Variants in ADGRL3 observed in about 807,000 individuals in gnomAD.
ADGRL3 encodes calcium-independent alpha-latrotoxin receptor 3.
In ADGRL3, 62 loss-of-function variants were observed where a neutral mutation model predicts 153.5. The ratio of observed to expected loss-of-function variants is 0.40; its 90% CI spans 0.33 to 0.50. ADGRL3 has a LOEUF of 0.50. Among genes scored for constraint, ADGRL3 ranks in the 20% least tolerant of loss-of-function variants. The pLI is 0.47. For missense variants in ADGRL3, 1,641 were observed against 1,859.4 expected, an observed-to-expected ratio of 0.88 and a Z score of 2.16; for synonymous variants, 710 against 672.5, an observed-to-expected ratio of 1.06 and a Z score of -0.86.
chr4:61,473,343 T>C (rs1023770031), intron 2 of ADGRL3, among the ~76,000 whole-genome samples: 3 of 151,994 alleles, frequency 2.0e-5, no homozygotes, highest in Admixed American at 2.0e-4. Flanking sequence ...TTTTGTACCC[T>C]GGGTACTGTA....
chr4:61,757,592 T>G (rs2096851904), intron 8 of ADGRL3, among the ~76,000 whole-genome samples: 1 of 152,202 alleles, frequency 6.6e-6, no homozygotes, highest in Admixed American at 6.5e-5. Flanking sequence ...ATTGATTTTT[T>G]GAAGGGTTTT....
chr4:61,796,453 C>T (rs759339862), intron 8 of ADGRL3, among the ~76,000 whole-genome samples: 6 of 152,020 alleles, frequency 3.9e-5, no homozygotes, highest in Non-Finnish European at 8.8e-5. Flanking sequence ...GATAAAGGAA[C>T]CAAATCAGAA....
At chr4:61,736,711 G>GTGAT (rs1253206792) in intron 8 of ADGRL3, among the ~76,000 whole-genome samples, 1 of 152,164 alleles carries the variant, frequency 6.6e-6, no homozygotes, top group Non-Finnish European at 1.5e-5. Flanking sequence ...ACATTAAGAA[G>GTGAT]TGATAGACTT....
At chr4:61,653,170 TCACACACACACACACA>T (rs34273823) in intron 5 of ADGRL3, among the ~76,000 whole-genome samples, 3 of 90,966 alleles carry the variant, frequency 3.3e-5, no homozygotes, top group South Asian at 3.3e-4. Context: ...TCTCTCTCTC[TCACACACACACACACA>T]CACACACACA....
rs565216704 is a variant in ADGRL3 at position 61,350,466 on chromosome 4, C to G, written c.-239-32658C>G. Among the ~76,000 whole-genome samples the G allele has an allele frequency of 1.1e-4, 17 of 150,106 alleles. 1 individual carries two copies. Among genetic ancestry groups the G allele is most frequent in the African/African-American group, 3.9e-4 (16 of 40,988 alleles). ...TACGTTATCCCCAATTAGACACATA[C>G]CTCACTTTATTGTGCATCACTTTAT... On this transcript the variant is annotated intron_variant, in intron 1 of 26. Transcript: ENST00000683033.
intron 6 of ADGRL3, among the ~76,000 whole-genome samples, chr4:61,692,225 A>T (rs2095552066): frequency 6.6e-6 from 1 of 152,134 alleles, no homozygotes; most frequent in Non-Finnish European, 1.5e-5. Flanking sequence ...GTTAGGTGAT[A>T]GGATTTTTAT....
chr4:61,275,973 G>A (rs549597901), intron 1 of ADGRL3, among the ~76,000 whole-genome samples: 3 of 152,292 alleles, frequency 2.0e-5, no homozygotes, highest in South Asian at 2.1e-4. Flanking sequence ...AAAGAAAGGC[G>A]TTAGTGAAAA....
chr4:61,494,332 A>G (rs2098289628), intron 2 of ADGRL3, among the ~76,000 whole-genome samples: 1 of 152,106 alleles, frequency 6.6e-6, no homozygotes, highest in Non-Finnish European at 1.5e-5. Context: ...CCTGATACCA[A>G]CTTTTGACTC....
At chr4:61,774,299 G>C (rs1404022617) in intron 8 of ADGRL3, among the ~76,000 whole-genome samples, 1 of 150,014 alleles carries the variant, frequency 6.7e-6, no homozygotes, top group African/African-American at 2.5e-5. Context: ...GGAGGTTGCA[G>C]TGAGCCAAGA....
chr4:61,866,364 C>T (rs1015858), intron 9 of ADGRL3, among the ~76,000 whole-genome samples: 1,817 of 152,244 alleles, frequency 0.012, 34 homozygotes, highest in Middle Eastern at 0.054. Context: ...CCTTCACTAA[C>T]GTAAATAGAC....
At chr4:61,692,511 C>A (rs1227414104) in intron 6 of ADGRL3, among the ~76,000 whole-genome samples, 2 of 150,978 alleles carry the variant, frequency 1.3e-5, no homozygotes, top group African/African-American at 4.9e-5. Context: ...GGCCTAATAC[C>A]AGCTCACTGC....
chr4:61,260,987 A>C (rs373533516), intron 1 of ADGRL3, among the ~76,000 whole-genome samples: 2 of 152,080 alleles, frequency 1.3e-5, no homozygotes, highest in African/African-American at 4.8e-5. Context: ...TGGCATCCCA[A>C]AATACTGGGA....
intron 1 of ADGRL3, among the ~76,000 whole-genome samples, chr4:61,344,211 G>T (rs2095856860): frequency 6.6e-6 from 1 of 152,194 alleles, no homozygotes; most frequent in Non-Finnish European, 1.5e-5. Context: ...TGAAAAAGAA[G>T]ATTTCTTTAA....
At chr4:61,444,807 C>T (rs1197119980) in intron 2 of ADGRL3, among the ~76,000 whole-genome samples, 1 of 152,102 alleles carries the variant, frequency 6.6e-6, no homozygotes, top group Admixed American at 6.5e-5. Flanking sequence ...AATCCCAGCA[C>T]TTTGGGAGGC....
intron 10 of ADGRL3, among the ~76,000 whole-genome samples, chr4:61,893,499 T>A (rs2098604404): frequency 6.6e-6 from 1 of 152,130 alleles, no homozygotes; most frequent in Non-Finnish European, 1.5e-5. Flanking sequence ...ATTAGAAGAT[T>A]ATCATGGAAA....
intron 21 of ADGRL3, among the ~76,000 whole-genome samples, chr4:62,015,707 G>A (rs1305078463): frequency 1.3e-5 from 2 of 152,054 alleles, no homozygotes; most frequent in Non-Finnish European, 2.9e-5. Context: ...AAACTTGTGT[G>A]CCTATTTGTT....
At chr4:61,641,386 C>A (rs2093661897) in intron 5 of ADGRL3, among the ~76,000 whole-genome samples, 1 of 151,310 alleles carries the variant, frequency 6.6e-6, no homozygotes, top group South Asian at 2.1e-4. Context: ...GCTGCACCCA[C>A]TAACTCCTCC....
At chr4:61,425,569 G>T (rs2097267074) in intron 2 of ADGRL3, 1 of 152,266 alleles carries the variant, frequency 6.6e-6, no homozygotes, top group Admixed American at 6.5e-5. Flanking sequence ...TGCCCTTCAG[G>T]CAAAATACAG....
intron 6 of ADGRL3, among the ~76,000 whole-genome samples, chr4:61,677,856 T>G (rs2095244898): frequency 6.6e-6 from 1 of 152,012 alleles, no homozygotes; most frequent in Non-Finnish European, 1.5e-5. Context: ...AGCAGGACAT[T>G]ACTCATGAGC....
Sources: allele counts gnomAD v4.1 joint callset (sites outside exome capture counted in the v4.1 genomes callset), GRCh38; gene constraint gnomAD v4.1.1; transcripts MANE v1.5; gene names NCBI Gene and HGNC (gene_info 2026-07-23, HGNC 2026-07-21).